RAPGEF1: variants seen among roughly 807,000 people sequenced by gnomAD.
The protein encoded by RAPGEF1 is CRK SH3-binding GNRP.
A neutral mutation model predicts 143.3 loss-of-function variants in RAPGEF1; 33 were observed. The ratio of observed to expected loss-of-function variants is 0.23; its 90% confidence interval spans 0.17 to 0.31. The LOEUF is 0.31. Ranked by LOEUF, RAPGEF1 falls within the 10% of genes least tolerant of loss-of-function variation. The pLI is 1.00. For missense variants in RAPGEF1, 1,199 were observed against 1,645.4 expected, an observed-to-expected ratio of 0.73 and a Z score of 4.69; for synonymous variants, 629 against 676.5, an observed-to-expected ratio of 0.93 and a Z score of 1.09.
At position 131,577,519 on chromosome 9, in the gene RAPGEF1, G is replaced by C. The variant is rs537311870; in HGVS notation, c.*1978C>G. The C allele has an allele frequency of 2.6e-5, 4 of 152,356 alleles. No individual in the cohort carries two copies. The highest frequency in any genetic ancestry group is 9.6e-5 in the African/African-American group (4 of 41,560). The allele number at this position is 152,356 out of a possible 1,614,324, so 9.4% of individuals were successfully genotyped here. A position where few individuals can be genotyped will look rare whatever the true frequency, so the allele number is the denominator to read the frequency against. ...CACTGGCATTGCCTGTGCTACAGAT[G>C]GGGACTCCTGCGAGTCTCACAAATA... On this transcript the variant is annotated 3_prime_UTR_variant, in exon 27 of 27. Coordinates refer to ENST00000683357, the MANE Select transcript of RAPGEF1 (RefSeq NM_001377935.1).
chr9:131,640,851 G>A (rs930330011), intron 4 of RAPGEF1, among the ~76,000 whole-genome samples: 2 of 152,160 alleles, frequency 1.3e-5, no homozygotes, highest in Non-Finnish European at 2.9e-5. Context: ...AGGAGCATCT[G>A]AGGAGGTATT....
At chr9:131,623,768 A>G (rs1962025351) in intron 10 of RAPGEF1, among the ~76,000 whole-genome samples, 1 of 152,212 alleles carries the variant, frequency 6.6e-6, no homozygotes, top group Admixed American at 6.5e-5. Flanking sequence ...TCCGGGCAAG[A>G]GGGGCTGGGG....
intron 1 of RAPGEF1, among the ~76,000 whole-genome samples, chr9:131,698,691 G>A (rs894869506): frequency 1.3e-5 from 2 of 152,184 alleles, no homozygotes; most frequent in Non-Finnish European, 2.9e-5. Context: ...GTAACTGTGC[G>A]GCTTCTGACC....
At position 131,716,067 on chromosome 9, in the gene RAPGEF1, G is replaced by T. The variant is rs191706620; in HGVS notation, c.61+23703C>A. Among the ~76,000 whole-genome samples the T allele has an allele frequency of 3.3e-5, 5 of 152,236 alleles. No homozygotes were observed. The East Asian group carries it at 9.7e-4, about 29-fold the overall frequency. ...GGATGTGTCAACAACTACATATGCT[G>T]GCTCCCATCCCACTGGCCACTGCTG... On this transcript the variant is annotated intron_variant, in intron 1 of 26. Transcript: ENST00000683357.
At chr9:131,605,700 T>C (rs1957010827) in intron 12 of RAPGEF1, among the ~76,000 whole-genome samples, 2 of 152,118 alleles carry the variant, frequency 1.3e-5, no homozygotes, top group Admixed American at 6.6e-5. Flanking sequence ...AGCTGCACTA[T>C]GGAAATGCTA....
intron 5 of RAPGEF1, 139 bp from the exon 6 acceptor site, chr9:131,630,463 A>G: frequency 5.2e-6 from 4 of 765,260 alleles, no homozygotes; most frequent in Non-Finnish European, 8.5e-6. Context: ...CATAAACGCA[A>G]GTATCACTTG....
chr9:131,736,567 C>G (rs1032298946), intron 1 of RAPGEF1, among the ~76,000 whole-genome samples: 1 of 152,226 alleles, frequency 6.6e-6, no homozygotes, highest in Non-Finnish European at 1.5e-5. Context: ...TCCCAAAGAA[C>G]AGCAATGACT....
Position 131,596,290 on chromosome 9 carries a change from CA to C in RAPGEF1, c.2689+7del. 1 of 1,613,824 alleles carries C rather than the reference CA, an allele frequency of 6.2e-7. No homozygotes were observed. The highest frequency in any genetic ancestry group is 8.5e-7 in the Non-Finnish European group (1 of 1,179,746). ...AGCCCCAATCTAGTGAGCTCACTGA[CA>C]CCCTACCTTTCCTGTCAGTCTCAGT... is the stretch of plus-strand genomic sequence containing the variant. On this transcript the variant is annotated splice_region_variant and intron_variant, in intron 17 of 26. Transcript: ENST00000683357.
At position 131,739,761 on chromosome 9, in the gene RAPGEF1, G is replaced by A; in HGVS notation, c.61+9C>T. 8.7e-7 allele frequency: 1 copy of A among 1,155,780 alleles called. No individual in the cohort carries two copies. Among genetic ancestry groups the A allele is most frequent in the Admixed American group, 3.6e-5 (1 of 28,022 alleles). 71.6% of individuals were successfully genotyped at this position (1,155,780 alleles called of 1,614,324 possible). A position where few individuals can be genotyped will look rare whatever the true frequency, so the allele number is the denominator to read the frequency against. ...GGCCGGAGGGAGCCGCCCCACGCCC[G>A]CGCCTCACCTGCTTTCTCGATCTTG... On this transcript the variant is annotated intron_variant, in intron 1 of 26. Coordinates refer to ENST00000683357, the MANE Select transcript of RAPGEF1 (RefSeq NM_001377935.1).
intron 16 of RAPGEF1, among the ~76,000 whole-genome samples, chr9:131,597,321 T>C (rs906145769): frequency 6.6e-6 from 1 of 152,222 alleles, no homozygotes; most frequent in Non-Finnish European, 1.5e-5. Context: ...GGAAGAAATT[T>C]ATGGCAAGGA....
chr9:131,592,327 G>A, intron 17 of RAPGEF1, 144 bp from the exon 18 acceptor site: 2 of 623,862 alleles, frequency 3.2e-6, no homozygotes, highest in Admixed American at 5.1e-5. Flanking sequence ...GAGGGCTTGG[G>A]AACCCCCTCT....
intron 1 of RAPGEF1, chr9:131,737,310 A>G: frequency 1.3e-6 from 2 of 1,586,644 alleles, no homozygotes; most frequent in Non-Finnish European, 1.7e-6. Context: ...TGTCTCCACC[A>G]GGTATATATC....
At chr9:131,733,374 G>A (rs1034313275) in intron 1 of RAPGEF1, among the ~76,000 whole-genome samples, 4 of 129,330 alleles carry the variant, frequency 3.1e-5, no homozygotes, top group African/African-American at 1.1e-4. Context: ...GCGGGGGGGG[G>A]GGTGGTGCGG....
At chr9:131,681,086 C>T (rs1178828263) in intron 1 of RAPGEF1, among the ~76,000 whole-genome samples, 2 of 151,952 alleles carry the variant, frequency 1.3e-5, no homozygotes, top group Admixed American at 6.6e-5. Context: ...TTTTTCACAC[C>T]GATGATGAGG....
chr9:131,647,311 T>C (rs1185820663), intron 3 of RAPGEF1, among the ~76,000 whole-genome samples: 5 of 152,154 alleles, frequency 3.3e-5, no homozygotes, highest in African/African-American at 1.2e-4. Flanking sequence ...CAACACTGTC[T>C]GCACAGTGGG....
rs1157066036 is a variant in RAPGEF1 at position 131,650,297 on chromosome 9, G to A, written c.202-55C>T. 12 of 1,362,214 alleles carry A rather than the reference G, an allele frequency of 8.8e-6. No individual in the cohort carries two copies. The highest frequency in any genetic ancestry group is 2.4e-5 in the South Asian group (2 of 82,004). The allele number at this position is 1,362,214 out of a possible 1,614,324, so 84.4% of individuals were successfully genotyped here. A position where few individuals can be genotyped will look rare whatever the true frequency, so the allele number is the denominator to read the frequency against. ...GAGTTTGAAATGGCTGTTTGAGGCC[G>A]AAGGGAGGGGTTGATGAAAGTCAAT... On this transcript the variant is annotated intron_variant, in intron 2 of 26. Coordinates refer to ENST00000683357, the MANE Select transcript of RAPGEF1 (RefSeq NM_001377935.1). The surrounding 1 kb of genome is among the most constrained non-coding windows in gnomAD (Gnocchi z 4.7).
At chr9:131,718,075 T>A (rs1486705055) in intron 1 of RAPGEF1, among the ~76,000 whole-genome samples, 3 of 152,168 alleles carry the variant, frequency 2.0e-5, no homozygotes, top group East Asian at 3.8e-4. Context: ...TTTCCCAAGA[T>A]CACATGATCA....
At chr9:131,612,601 G>A (rs1031721523) in intron 12 of RAPGEF1, among the ~76,000 whole-genome samples, 3 of 152,162 alleles carry the variant, frequency 2.0e-5, no homozygotes, top group South Asian at 2.1e-4. Flanking sequence ...CTCCAGAGCT[G>A]GGCCTTTCTC....
At chr9:131,595,527 C>T (rs1221572428) in intron 17 of RAPGEF1, among the ~76,000 whole-genome samples, 1 of 152,192 alleles carries the variant, frequency 6.6e-6, no homozygotes, top group Non-Finnish European at 1.5e-5. Flanking sequence ...CACCATTGCT[C>T]TGACATCATC....
Sources: gnomAD v4.1 joint callset for allele counts (sites outside exome capture counted in the v4.1 genomes callset) on GRCh38, gnomAD v4.1.1 for gene constraint, Gnocchi (gnomAD v3.1) non-coding constraint, MANE v1.5 for transcripts, NCBI Gene and HGNC (gene_info 2026-07-23, HGNC 2026-07-21) for gene names.